The following ARL5A variants were observed in gnomAD, a reference collection of about 807,000 sequenced individuals.
ARL5A encodes ARF like GTPase 5A.
ARL5A carries 18 observed loss-of-function variants against 25.9 expected under a neutral mutation model. The ratio of observed to expected loss-of-function variants is 0.69; its 90% CI spans 0.48 to 1.03. The LOEUF is 1.03. Ranked by LOEUF, ARL5A falls within the 50% of genes least tolerant of loss-of-function variation. The pLI is 0.00. For missense variants in ARL5A, 170 were observed against 211.9 expected (o/e 0.80, Z 1.23); for synonymous variants, 61 against 67.5 (o/e 0.90, Z 0.47).
At chr2:151,806,462 C>T (rs1409575403) in intron 5 of ARL5A, among the ~76,000 whole-genome samples, 1 of 152,140 alleles carries the variant, frequency 6.6e-6, no homozygotes, top group Non-Finnish European at 1.5e-5. Flanking sequence ...ATATGGAAAA[C>T]ACTCCAGACA....
chr2:151,806,558 T>G lies in ARL5A; in HGVS notation c.491+263A>C, dbSNP rs111528741. Among the ~76,000 whole-genome samples, 383 of 152,276 alleles carry G rather than the reference T, an allele frequency of 2.5e-3. 2 individuals are homozygous for G. The highest frequency in any genetic ancestry group is 8.8e-3 in the African/African-American group (366 of 41,562). On this transcript the variant is annotated intron_variant, in intron 5 of 5. Transcript: ENST00000295087. The stretch of plus-strand genomic sequence containing the variant: ...TAACTTCTCCAGCTCTCACTGATAC[T>G]CCCATTTCTCTGAGCTCCTATAGCA...
intron 2 of ARL5A, among the ~76,000 whole-genome samples, chr2:151,814,861 G>T (rs188881112): frequency 1.1e-4 from 16 of 152,144 alleles, no homozygotes; most frequent in African/African-American, 3.9e-4. Context: ...AAGGCATGAG[G>T]CACCGCACCC....
rs2099829433 is a variant in ARL5A at position 151,801,683 on chromosome 2, TAAAG to T, written c.*1589_*1592del. On this transcript the variant is annotated 3_prime_UTR_variant, in exon 6 of 6. Coordinates refer to ENST00000295087, the MANE Select transcript of ARL5A (RefSeq NM_012097.4). ...TTTAGATATTGAGTATTTCCCATTTTAAAGAAAGAAACTTTCAAAGTTTTGTCAA... is the reference window on the plus strand; with the variant it reads ...TTTAGATATTGAGTATTTCCCATTTTAAAGAAACTTTCAAAGTTTTGTCAA... 4 of 152,280 alleles carry T rather than the reference TAAAG, an allele frequency of 2.6e-5. No individual in the cohort carries two copies. The highest frequency in any genetic ancestry group is 9.6e-5 in the African/African-American group (4 of 41,590). 9.4% of individuals were successfully genotyped at this position (152,280 alleles called of 1,614,324 possible). A position where few individuals can be genotyped will look rare whatever the true frequency, so the allele number is the denominator to read the frequency against.
intron 5 of ARL5A, among the ~76,000 whole-genome samples, chr2:151,805,717 T>C (rs2099830007): frequency 6.6e-6 from 1 of 152,166 alleles, no homozygotes; most frequent in Non-Finnish European, 1.5e-5. Context: ...GTAAGAACTT[T>C]TGTACTGAAA....
intron 4 of ARL5A, among the ~76,000 whole-genome samples, chr2:151,809,404 A>C (rs929314826): frequency 6.6e-6 from 1 of 152,224 alleles, no homozygotes; most frequent in African/African-American, 2.4e-5. Flanking sequence ...GTTTTTCTAG[A>C]TCTAAAAGGT....
intron 1 of ARL5A, among the ~76,000 whole-genome samples, chr2:151,820,682 A>C (rs941854193): frequency 6.6e-6 from 1 of 150,964 alleles, no homozygotes; most frequent in African/African-American, 2.4e-5. Context: ...AAAAAAAAAA[A>C]AAACAGAATC....
At chr2:151,826,110 G>C (rs1239622827) in intron 1 of ARL5A, among the ~76,000 whole-genome samples, 1 of 152,120 alleles carries the variant, frequency 6.6e-6, no homozygotes, top group African/African-American at 2.4e-5. Context: ...GACAGAGCAA[G>C]ACTCCATCTC....
At chr2:151,805,902 T>C (rs868476380) in intron 5 of ARL5A, among the ~76,000 whole-genome samples, 11 of 152,184 alleles carry the variant, frequency 7.2e-5, no homozygotes, top group Admixed American at 3.3e-4. Context: ...AGTTTGGTCC[T>C]CCTTTTAGCT....
chr2:151,822,029 T>C (rs1026992515), intron 1 of ARL5A, among the ~76,000 whole-genome samples: 12 of 152,042 alleles, frequency 7.9e-5, no homozygotes, highest in African/African-American at 1.2e-4. Context: ...TTTGTATTTT[T>C]AGTAGAGACA....
intron 1 of ARL5A, among the ~76,000 whole-genome samples, chr2:151,820,496 C>T (rs569857834): frequency 2.4e-4 from 37 of 151,680 alleles, no homozygotes; most frequent in African/African-American, 8.7e-4. Flanking sequence ...CCCGTCTCTA[C>T]TAAAAATTCA....
At chr2:151,819,593 G>C (rs1308949734) in intron 1 of ARL5A, among the ~76,000 whole-genome samples, 2 of 152,116 alleles carry the variant, frequency 1.3e-5, no homozygotes, top group East Asian at 3.8e-4. Flanking sequence ...TAAAATGATA[G>C]CTTTAAAGTA....
chr2:151,824,693 T>A (rs971717003), intron 1 of ARL5A, among the ~76,000 whole-genome samples: 5 of 149,892 alleles, frequency 3.3e-5, no homozygotes, highest in African/African-American at 1.3e-4. Context: ...GTTCTTTTTA[T>A]CTGAGTCCTT....
At position 151,828,131 on chromosome 2, in the gene ARL5A, C is replaced by T; in HGVS notation, c.46G>A (p.Glu16Lys). The T allele has an allele frequency of 6.2e-7, 1 of 1,610,454 alleles. No homozygotes were observed. Among genetic ancestry groups the T allele is most frequent in the Non-Finnish European group, 8.5e-7 (1 of 1,178,314 alleles). The change falls in exon 1 of 6, where the codon GAG becomes AAG. Residue 16 changes from glutamate to lysine, a missense_variant and splice_region_variant. Coordinates refer to ENST00000295087, the MANE Select transcript of ARL5A (RefSeq NM_012097.4). ...TRIWRLFNHQEHKVIIVGLDN... is the reference protein window; with the variant it reads ...TRIWRLFNHQKHKVIIVGLDN... ...TACGCCCGCGGACCGAGCTCCTCAC[C>T]CTGGTGATTGAACAGTCTCCATATT...
intron 3 of ARL5A, 121 bp from the exon 4 acceptor site, chr2:151,812,561 G>A: frequency 6.9e-6 from 4 of 581,074 alleles, no homozygotes; most frequent in Admixed American, 3.8e-5. Flanking sequence ...TGGTATTGTT[G>A]GAAAATCAGA....
intron 4 of ARL5A, among the ~76,000 whole-genome samples, chr2:151,807,909 A>T (rs1436743336): frequency 3.9e-5 from 6 of 152,000 alleles, no homozygotes; most frequent in African/African-American, 1.5e-4. Context: ...AATTGTGCAC[A>T]CTCCAAATAA....
At chr2:151,804,710 T>C (rs1044675268) in intron 5 of ARL5A, among the ~76,000 whole-genome samples, 1 of 152,192 alleles carries the variant, frequency 6.6e-6, no homozygotes, top group Non-Finnish European at 1.5e-5. Flanking sequence ...TCTTAATTAA[T>C]CTTTACAACA....
intron 1 of ARL5A, among the ~76,000 whole-genome samples, chr2:151,820,619 C>T (rs917534365): frequency 5.9e-5 from 8 of 135,232 alleles, no homozygotes; most frequent in Non-Finnish European, 1.2e-4. Context: ...AAGATTGTGT[C>T]ACTGCACTCC....
chr2:151,808,425 T>C (rs2099830376), intron 4 of ARL5A, among the ~76,000 whole-genome samples: 1 of 150,440 alleles, frequency 6.6e-6, no homozygotes, highest in Non-Finnish European at 1.5e-5. Flanking sequence ...ATTAGTAGTA[T>C]ATTTGTATTT....
Position 151,802,612 on chromosome 2 carries a change from T to C in ARL5A, c.*664A>G, listed in dbSNP as rs1255099962. 6.6e-6 allele frequency: 1 copy of C among 152,384 alleles called. No homozygotes were observed. The highest frequency in any genetic ancestry group is 2.4e-5 in the African/African-American group (1 of 41,436). The allele number at this position is 152,384 out of a possible 1,614,324, so 9.4% of individuals were successfully genotyped here. On this transcript the variant is annotated 3_prime_UTR_variant, in exon 6 of 6. Coordinates refer to ENST00000295087, the MANE Select transcript of ARL5A (RefSeq NM_012097.4). ...CATGCTTTTTCCTTTTCCTTTTTTT[T>C]TTTTTTAAACAAGCAGCTCAGCGAT...
Sources: allele counts gnomAD v4.1 joint callset (sites outside exome capture counted in the v4.1 genomes callset), GRCh38; gene constraint gnomAD v4.1.1; transcripts MANE v1.5; gene names NCBI Gene and HGNC (gene_info 2026-07-23, HGNC 2026-07-21).